Variants in RGS3 observed in about 807,000 individuals in gnomAD.
The protein encoded by RGS3 is regulator of G protein signaling 3.
A neutral mutation model predicts 132.6 loss-of-function variants in RGS3; 80 were observed. That is an observed-to-expected ratio of 0.60 (90% confidence interval 0.50 to 0.73). The LOEUF (loss-of-function observed/expected upper bound fraction) is 0.73. RGS3 is among the 30% of genes least tolerant of loss of function. The pLI, the probability that RGS3 is intolerant of heterozygous loss-of-function variation, is 0.00. For synonymous variants in RGS3, 598 were observed against 620.6 expected (o/e 0.96, Z 0.54); for missense variants, 1,382 against 1,530.8 (o/e 0.90, Z 1.62).
At position 113,506,261 on chromosome 9, in the gene RGS3, G is replaced by A. The variant is rs953072008; in HGVS notation, c.980-127G>A. ...CACCAAGTTCAGTCCCTCATTTCAC[G>A]GATGAAGAAACTTAGAGAAAAAGGG... On this transcript the variant is annotated intron_variant, in intron 11 of 24. Coordinates refer to ENST00000350696, the Ensembl canonical transcript of RGS3. This position sits in a 1 kb window ranked among gnomAD's most constrained non-coding sequence, Gnocchi z 4.7. 9.6e-5 allele frequency: 60 copies of A among 624,908 alleles called. 1 individual carries two copies. In the East Asian group the frequency reaches 1.5e-3, roughly 16 times the overall value. The allele number at this position is 624,908 out of a possible 1,614,324, so 38.7% of individuals were successfully genotyped here. A position where few individuals can be genotyped will look rare whatever the true frequency, so the allele number is the denominator to read the frequency against.
intron 21 of RGS3, chr9:113,594,199 C>T (rs767174520): frequency 2.5e-6 from 4 of 1,612,962 alleles, no homozygotes; most frequent in African/African-American, 2.7e-5. Context: ...CTGCCCAGGA[C>T]GCGGGGTGGG....
At chr9:113,502,345 A>T (rs868685278) in intron 10 of RGS3, among the ~76,000 whole-genome samples, 30 of 152,364 alleles carry the variant, frequency 2.0e-4, no homozygotes, top group Non-Finnish European at 2.8e-4. Context: ...TCCTGATTTT[A>T]AAAAATCACA....
Position 113,509,699 on chromosome 9 carries a change from A to T in RGS3, c.1477+1119A>T, listed in dbSNP as rs115834848. Among the ~76,000 whole-genome samples the T allele has an allele frequency of 8.7e-3, 1,320 of 151,920 alleles. 19 individuals are homozygous for T. The highest frequency in any genetic ancestry group is 0.03 in the African/African-American group (1,259 of 41,398). Reference sequence around the variant, plus strand: ...GTGGCTTTTGCTTAGCCACTCACAGACTTGCTTCCTTGCTGTTCCCCTCTC... The same window carrying T: ...GTGGCTTTTGCTTAGCCACTCACAGTCTTGCTTCCTTGCTGTTCCCCTCTC... On this transcript the variant is annotated intron_variant, in intron 14 of 24. Coordinates refer to ENST00000350696, the Ensembl canonical transcript of RGS3.
chr9:113,467,458 G>A (rs113865485), intron 3 of RGS3, among the ~76,000 whole-genome samples: 2,443 of 152,128 alleles, frequency 0.016, 31 homozygotes, highest in Non-Finnish European at 0.027. Context: ...CTATAGTTTC[G>A]ATTTGCATTT....
chr9:113,494,132 G>A (rs1460117932), intron 7 of RGS3, among the ~76,000 whole-genome samples: 1 of 151,656 alleles, frequency 6.6e-6, no homozygotes, highest in Non-Finnish European at 1.5e-5. Context: ...ACAGAAAGAT[G>A]ACATTAAAAA....
In RGS3 at chr9:113,556,417, T is replaced by C. The variant is rs886615209; in HGVS notation, c.2037+19499T>C. On this transcript the variant is annotated intron_variant, in intron 19 of 24. Transcript: ENST00000350696. The stretch of plus-strand genomic sequence containing the variant: ...CTACAAATAATAATAATAATAATAA[T>C]GGTGCCTAACATTAAAGCGTGCTTT... Among the ~76,000 whole-genome samples, 5 of 152,196 alleles carry C rather than the reference T, an allele frequency of 3.3e-5. No homozygotes were observed. In the South Asian group the frequency reaches 1.0e-3, roughly 32 times the overall value.
chr9:113,545,120 G>A (rs1233226863), intron 19 of RGS3, among the ~76,000 whole-genome samples: 1 of 152,198 alleles, frequency 6.6e-6, no homozygotes, highest in East Asian at 1.9e-4. Flanking sequence ...GCTCTGGAAT[G>A]GTTAGGTTAC....
intron 19 of RGS3, among the ~76,000 whole-genome samples, chr9:113,551,621 G>A (rs999539300): frequency 6.6e-6 from 1 of 152,118 alleles, no homozygotes; most frequent in African/African-American, 2.4e-5. Flanking sequence ...AGGCTGAGGT[G>A]GGCCGATTGC....
chr9:113,509,615 G>A (rs539205817), intron 14 of RGS3, among the ~76,000 whole-genome samples: 37 of 152,310 alleles, frequency 2.4e-4, no homozygotes, highest in African/African-American at 7.0e-4. Flanking sequence ...TCCTTCGCGT[G>A]CCTGCCAGAA....
In RGS3 at chr9:113,580,664, C is replaced by T. The variant is rs148127576; in HGVS notation, c.2038-2786C>T. The T allele has an allele frequency of 1.6e-3, 518 of 332,252 alleles. 1 individual carries two copies. The highest frequency in any genetic ancestry group is 2.0e-3 in the Non-Finnish European group (459 of 232,722). The allele number at this position is 332,252 out of a possible 1,614,324, so 20.6% of individuals were successfully genotyped here. On this transcript the variant is annotated intron_variant, in intron 19 of 24. Transcript: ENST00000350696. ...AACCCTTCCATCTTGGTTAGTTTCT[C>T]GGCTGATCTCTCTGGGTAGGTGCCC... is the stretch of plus-strand genomic sequence containing the variant.
Position 113,595,075 on chromosome 9 carries a change from C to T in RGS3, c.3244+95C>T, listed in dbSNP as rs1835691498. 11 of 1,177,906 alleles carry T rather than the reference C, an allele frequency of 9.3e-6. No homozygotes were observed. The Admixed American group carries it at 1.6e-4, about 18-fold the overall frequency. The allele number at this position is 1,177,906 out of a possible 1,614,324, so 73.0% of individuals were successfully genotyped here. On this transcript the variant is annotated intron_variant, in intron 23 of 24. Coordinates refer to ENST00000350696, the Ensembl canonical transcript of RGS3. ...GTGTAGCTGGTGCTAGAGAGGCCGC[C>T]TTCCCTCTCCTCGGCCGTCAGGGTG... is the stretch of plus-strand genomic sequence containing the variant.
At chr9:113,553,459 A>AAAAAATAT (rs1426114805) in intron 19 of RGS3, among the ~76,000 whole-genome samples, 40 of 58,688 alleles carry the variant, frequency 6.8e-4, no homozygotes, top group Non-Finnish European at 1.1e-3. Flanking sequence ...AAAAAAAAAA[A>AAAAAATAT]ATATATATAT....
chr9:113,449,534 G>A (rs1829191938), intron 1 of RGS3, among the ~76,000 whole-genome samples: 1 of 152,194 alleles, frequency 6.6e-6, no homozygotes, highest in Non-Finnish European at 1.5e-5. Context: ...AATGGGAGCT[G>A]TTCCAGTTCT....
At chr9:113,543,073 G>A (rs1472486606) in intron 19 of RGS3, among the ~76,000 whole-genome samples, 16 of 152,248 alleles carry the variant, frequency 1.1e-4, no homozygotes, top group Non-Finnish European at 2.9e-5. Context: ...GACCTAGAGG[G>A]AGGGAAGCCC....
chr9:113,451,193 A>G (rs375714586), intron 1 of RGS3, among the ~76,000 whole-genome samples: 4 of 152,124 alleles, frequency 2.6e-5, no homozygotes, highest in African/African-American at 9.6e-5. Context: ...AAAAAGAAAA[A>G]AAAAAAAAAG....
intron 18 of RGS3, among the ~76,000 whole-genome samples, chr9:113,536,008 C>T (rs1832660956): frequency 6.6e-6 from 1 of 152,134 alleles, no homozygotes; most frequent in Admixed American, 6.5e-5. Flanking sequence ...TCCTGGCAAC[C>T]AGAGCTTACC....
chr9:113,452,304 G>GT lies in RGS3; in HGVS notation c.-13+7385dup, dbSNP rs910154339. 1.7e-3 allele frequency among the ~76,000 whole-genome samples: 252 copies of GT among 151,436 alleles called. 2 individuals carry two copies. The highest frequency in any genetic ancestry group is 5.6e-3 in the African/African-American group (232 of 41,228). On this transcript the variant is annotated intron_variant, in intron 1 of 25. Transcript: ENST00000374140. The stretch of plus-strand genomic sequence containing the variant: ...AGGCATGAACCACTGCACTCAGCCT[G>GT]TTTTTTTTCTTTCAATACATTAAAG...
In RGS3 at chr9:113,542,443, T is replaced by C. The variant is rs1024338962; in HGVS notation, c.2037+5525T>C. ...CGTTTACACATAGGAGGGGCCCAAG[T>C]GGGTGTGAGATCAGTTAGGGGGCTC... On this transcript the variant is annotated intron_variant, in intron 19 of 24. Coordinates refer to ENST00000350696, the Ensembl canonical transcript of RGS3. 3.3e-5 allele frequency among the ~76,000 whole-genome samples: 5 copies of C among 152,050 alleles called. No homozygotes were observed. In the East Asian group the frequency reaches 9.6e-4, roughly 29 times the overall value.
At chr9:113,474,858 C>T (rs539474106) in intron 3 of RGS3, among the ~76,000 whole-genome samples, 5 of 152,296 alleles carry the variant, frequency 3.3e-5, no homozygotes, top group East Asian at 3.9e-4. Flanking sequence ...GGACACATTC[C>T]GGCTGATCCC....
Sources: gnomAD v4.1 joint callset for allele counts (sites outside exome capture counted in the v4.1 genomes callset) on GRCh38, gnomAD v4.1.1 for gene constraint, Gnocchi (gnomAD v3.1) non-coding constraint, MANE v1.5 for transcripts, NCBI Gene and HGNC (gene_info 2026-07-23, HGNC 2026-07-21) for gene names.